Variants in CDH13 observed in about 807,000 individuals in gnomAD.
CDH13 encodes cadherin 13.
A neutral mutation model predicts 63.8 loss-of-function variants in CDH13; 24 were observed. The ratio of observed to expected loss-of-function variants is 0.38; its 90% CI spans 0.27 to 0.53. The LOEUF (loss-of-function observed/expected upper bound fraction) is 0.53. Among genes scored for constraint, CDH13 ranks in the 20% least tolerant of loss-of-function variants. The pLI is 0.85. For synonymous variants in CDH13, 503 were observed against 355.3 expected (o/e 1.42, Z -4.67); for missense variants, 1,049 against 903.1 (o/e 1.16, Z -2.07).
chr16:83,495,375 G>C (rs950624419), intron 7 of CDH13, among the ~76,000 whole-genome samples: 1 of 152,144 alleles, frequency 6.6e-6, no homozygotes, highest in Non-Finnish European at 1.5e-5. Context: ...TCAATAGAAA[G>C]GAAATGTCTA....
At chr16:83,417,185 A>T (rs951614413) in intron 6 of CDH13, among the ~76,000 whole-genome samples, 1 of 152,184 alleles carries the variant, frequency 6.6e-6, no homozygotes, top group Admixed American at 6.5e-5. Flanking sequence ...TGGTGGGGCC[A>T]TAATTTAAAC....
intron 1 of CDH13, among the ~76,000 whole-genome samples, chr16:82,731,971 T>G (rs1480892894): frequency 6.6e-6 from 1 of 152,212 alleles, no homozygotes; most frequent in African/African-American, 2.4e-5. Flanking sequence ...CAATCTCTTC[T>G]TCCCTTTGCC....
chr16:82,753,449 C>T (rs2034496366), intron 1 of CDH13, among the ~76,000 whole-genome samples: 1 of 152,126 alleles, frequency 6.6e-6, no homozygotes, highest in South Asian at 2.1e-4. Flanking sequence ...ATAATGACAA[C>T]TCCTAAATCT....
chr16:83,252,184 A>G (rs1359240237), intron 5 of CDH13, among the ~76,000 whole-genome samples: 1 of 147,842 alleles, frequency 6.8e-6, no homozygotes, highest in African/African-American at 2.5e-5. Context: ...CATGCCTGGA[A>G]GTCTCCCCAC....
intron 11 of CDH13, among the ~76,000 whole-genome samples, chr16:83,766,994 G>A (rs1430054149): frequency 6.6e-6 from 1 of 152,032 alleles, no homozygotes; most frequent in Non-Finnish European, 1.5e-5. Flanking sequence ...CCAGCAACTC[G>A]GAACGGTGAG....
At chr16:83,471,099 C>G (rs919743106) in intron 6 of CDH13, among the ~76,000 whole-genome samples, 3 of 152,186 alleles carry the variant, frequency 2.0e-5, no homozygotes, top group Admixed American at 6.5e-5. Context: ...CCATGTCTCT[C>G]TCTTACAAGG....
intron 1 of CDH13, among the ~76,000 whole-genome samples, chr16:82,750,687 G>C (rs2034377084): frequency 6.6e-6 from 1 of 152,224 alleles, no homozygotes; most frequent in African/African-American, 2.4e-5. Flanking sequence ...AATGCTTCCA[G>C]CTGATAGAGG....
At chr16:83,287,601 G>A (rs1597668917) in intron 5 of CDH13, among the ~76,000 whole-genome samples, 1 of 152,116 alleles carries the variant, frequency 6.6e-6, no homozygotes, top group Non-Finnish European at 1.5e-5. Context: ...CATCACCCCC[G>A]GATGGGTCCC....
chr16:83,202,962 A>G (rs2039074580), intron 4 of CDH13, among the ~76,000 whole-genome samples: 1 of 152,208 alleles, frequency 6.6e-6, no homozygotes, highest in South Asian at 2.1e-4. Context: ...ACAGTGGCTC[A>G]CGCCTGTAAT....
chr16:83,210,706 A>G (rs2039313979), intron 4 of CDH13, among the ~76,000 whole-genome samples: 1 of 151,836 alleles, frequency 6.6e-6, no homozygotes. Context: ...CTTCAAATTC[A>G]TTTTCTATAC....
chr16:82,731,709 A>G (rs1410493723), intron 1 of CDH13, among the ~76,000 whole-genome samples: 3 of 152,266 alleles, frequency 2.0e-5, no homozygotes, highest in East Asian at 1.9e-4. Context: ...AAAAATCAAC[A>G]AAAGCATTCT....
intron 3 of CDH13, among the ~76,000 whole-genome samples, chr16:83,081,907 C>T (rs4782743): frequency 0.29 from 43,895 of 151,810 alleles, 6,965 homozygotes; most frequent in East Asian, 0.65. Context: ...TTCAAGCAAT[C>T]CTCCTGCCTC....
intron 7 of CDH13, among the ~76,000 whole-genome samples, chr16:83,517,131 G>T (rs570267280): frequency 1.3e-5 from 2 of 152,302 alleles, no homozygotes; most frequent in Non-Finnish European, 2.9e-5. Context: ...AGAGACTACA[G>T]TTCTAGCATA....
intron 7 of CDH13, among the ~76,000 whole-genome samples, chr16:83,543,969 G>A (rs1328491015): frequency 1.3e-5 from 2 of 152,216 alleles, no homozygotes; most frequent in African/African-American, 2.4e-5. Context: ...GTGCCAGGGA[G>A]AACACAGCTT....
intron 2 of CDH13, among the ~76,000 whole-genome samples, chr16:82,983,800 T>C (rs1262843218): frequency 6.6e-6 from 1 of 152,166 alleles, no homozygotes; most frequent in Non-Finnish European, 1.5e-5. Flanking sequence ...GTCCACTTCA[T>C]AGGATATTTC....
chr16:83,391,032 G>T (rs569448634), intron 6 of CDH13, among the ~76,000 whole-genome samples: 1 of 152,168 alleles, frequency 6.6e-6, no homozygotes, highest in Non-Finnish European at 1.5e-5. Context: ...ACAACGAACA[G>T]TATCTACTGG....
intron 1 of CDH13, among the ~76,000 whole-genome samples, chr16:82,735,318 A>T (rs534374481): frequency 1.3e-4 from 20 of 152,336 alleles, no homozygotes; most frequent in African/African-American, 3.8e-4. Context: ...TGCTTCAGTG[A>T]CAGGAATAGA....
At chr16:83,526,283 C>G (rs578102276) in intron 7 of CDH13, among the ~76,000 whole-genome samples, 2 of 152,230 alleles carry the variant, frequency 1.3e-5, no homozygotes, top group Admixed American at 1.3e-4. Flanking sequence ...AGCTCTCAAG[C>G]TGGGGCAAAA....
intron 1 of CDH13, among the ~76,000 whole-genome samples, chr16:82,700,379 AGAG>A (rs2150989561): frequency 6.6e-6 from 1 of 152,364 alleles, no homozygotes; most frequent in South Asian, 2.1e-4. Context: ...CGTTCTATGC[AGAG>A]GAGATTTTTG....
Sources: allele counts gnomAD v4.1 joint callset (sites outside exome capture counted in the v4.1 genomes callset), GRCh38; gene constraint gnomAD v4.1.1; transcripts MANE v1.5; gene names NCBI Gene and HGNC (gene_info 2026-07-23, HGNC 2026-07-21).